S100PBP: variants seen among roughly 807,000 people sequenced by gnomAD.
S100PBP encodes the protein S100P binding protein.
Under a neutral mutation model 39.9 loss-of-function variants are expected in S100PBP, and 15 were observed. The ratio of observed to expected loss-of-function variants is 0.38; its 90% CI spans 0.25 to 0.58. The LOEUF (loss-of-function observed/expected upper bound fraction) is 0.58. Ranked by LOEUF, S100PBP falls within the 20% of genes least tolerant of loss-of-function variation. The pLI, the probability that S100PBP is intolerant of heterozygous loss-of-function variation, is 0.70. For synonymous variants in S100PBP, 178 were observed against 180.3 expected (o/e 0.99, Z 0.10); for missense variants, 504 against 487.3 (o/e 1.03, Z -0.32).
intron 5 of S100PBP, among the ~76,000 whole-genome samples, chr1:32,845,930 C>T (rs764055694): frequency 4.7e-5 from 7 of 149,754 alleles, no homozygotes; most frequent in Admixed American, 2.0e-4. Flanking sequence ...CTATCCACCT[C>T]GGCCTCCCAA....
intron 4 of S100PBP, 100 bp from the exon 5 acceptor site, chr1:32,829,864 T>G: frequency 1.3e-6 from 1 of 783,926 alleles, no homozygotes. Context: ...CTCTGAAACT[T>G]AGTTCTAATC....
chr1:32,821,324 T>G (rs1304375601), intron 1 of S100PBP, among the ~76,000 whole-genome samples: 1 of 152,118 alleles, frequency 6.6e-6, no homozygotes, highest in East Asian at 1.9e-4. Context: ...TTGTGGCTTT[T>G]TTGTTGTTGT....
intron 5 of S100PBP, 119 bp from the exon 6 acceptor site, chr1:32,852,960 T>C (rs702836): frequency 1 from 663,554 of 666,420 alleles, 330,401 homozygotes; most frequent in East Asian, 1. Flanking sequence ...TTGTGATAAT[T>C]GTAAGTATAT....
chr1:32,851,630 C>T (rs1173686424), intron 5 of S100PBP, among the ~76,000 whole-genome samples: 2 of 152,040 alleles, frequency 1.3e-5, no homozygotes, highest in Non-Finnish European at 2.9e-5. Flanking sequence ...CACACCACTG[C>T]ACTCCAGCCT....
intron 5 of S100PBP, among the ~76,000 whole-genome samples, chr1:32,830,477 A>G (rs1170957000): frequency 6.6e-6 from 1 of 152,230 alleles, no homozygotes; most frequent in Non-Finnish European, 1.5e-5. Flanking sequence ...AGGCATTTCA[A>G]ACACCATTCT....
upstream of S100PBP, chr1:32,817,066 T>C: frequency 3.1e-6 from 4 of 1,287,638 alleles, no homozygotes; most frequent in East Asian, 4.6e-5. Flanking sequence ...ACAGGCTCTC[T>C]CAGAGCTGCG....
At chr1:32,819,886 A>T (rs576561287) in intron 1 of S100PBP, among the ~76,000 whole-genome samples, 1 of 152,104 alleles carries the variant, frequency 6.6e-6, no homozygotes, top group Non-Finnish European at 1.5e-5. Context: ...TTTTAGATGC[A>T]TGTTCTCATC....
At chr1:32,845,398 G>A (rs1263681160) in intron 5 of S100PBP, among the ~76,000 whole-genome samples, 1 of 151,832 alleles carries the variant, frequency 6.6e-6, no homozygotes, top group Non-Finnish European at 1.5e-5. Flanking sequence ...GTCGTGTCAC[G>A]GCACTCCAGC....
At chr1:32,820,215 C>G (rs1235186663) in intron 1 of S100PBP, among the ~76,000 whole-genome samples, 1 of 133,084 alleles carries the variant, frequency 7.5e-6, no homozygotes, top group Non-Finnish European at 1.5e-5. Flanking sequence ...GGTGCGATCT[C>G]AGTTCACTGC....
At position 32,829,999 on chromosome 1, in the gene S100PBP, A is replaced by G. The variant is rs141484768; in HGVS notation, c.956A>G (p.Glu319Gly). 43 of 1,613,994 alleles carry G rather than the reference A, an allele frequency of 2.7e-5. No homozygotes were observed. Among genetic ancestry groups the G allele is most frequent in the Non-Finnish European group, 3.6e-5 (42 of 1,179,994 alleles). Residue 319 changes from glutamate (E) to glycine (G), a missense_variant, in exon 5 of 7, where the codon GAA becomes GGA. Glu to Gly is a moderately conservative substitution (Grantham distance 98, BLOSUM62 -2). Coordinates refer to ENST00000373475, the MANE Select transcript of S100PBP (RefSeq NM_022753.4). ...CCGACGTTTTCACAGTCAAATCTAG[A>G]ACAGCAGAAGCAGCTTTATCTCAGG... ...NVPTFSQSNL[E>G]QQKQLYLRSV...
At chr1:32,824,990 G>A (rs1639261969) in intron 1 of S100PBP, 1 of 151,926 alleles carries the variant, frequency 6.6e-6, no homozygotes, top group Non-Finnish European at 1.5e-5. Context: ...CCAAGTTATT[G>A]GAGCTGGCTA....
intron 1 of S100PBP, among the ~76,000 whole-genome samples, chr1:32,823,282 C>T (rs190985742): frequency 6.6e-6 from 1 of 152,142 alleles, no homozygotes; most frequent in East Asian, 1.9e-4. Context: ...GTCTGACAAC[C>T]ATAAATTTTC....
At position 32,837,560 on chromosome 1, in the gene S100PBP, C is replaced by A. The variant is rs370731559; in HGVS notation, c.1024+7493C>A. ...GGCCTGGGCAACAAAAGCAAAACTC[C>A]GTCTCAAAAAAAAAAAAAAAAAAGA... On this transcript the variant is annotated intron_variant, in intron 5 of 6. Transcript: ENST00000373475. Among the ~76,000 whole-genome samples, 18 of 140,416 alleles carry A rather than the reference C, an allele frequency of 1.3e-4. No individual in the cohort carries two copies. The East Asian group carries it at 3.4e-3, about 26-fold the overall frequency. The allele number at this position is 140,416 out of a possible 152,430, so 92.1% of individuals were successfully genotyped here.
rs1420639568 is a variant in S100PBP, at chr1:32,826,638, A to G, written c.539A>G (p.Glu180Gly). 1.2e-6 allele frequency: 2 copies of G among 1,614,218 alleles called. No homozygotes were observed. The highest frequency in any genetic ancestry group is 8.5e-7 in the Non-Finnish European group (1 of 1,180,050). ...DTEKLSSLGE[E>G]MREDGLSPNE... Reference sequence around the variant, plus strand: ...GAAAAACTCTCTTCCCTTGGAGAAGAGATGAGAGAAGATGGTCTTAGCCCA... The same window carrying G: ...GAAAAACTCTCTTCCCTTGGAGAAGGGATGAGAGAAGATGGTCTTAGCCCA... Residue 180 changes from glutamate (E) to glycine (G), a missense_variant, in exon 3 of 7, where the codon GAG becomes GGG. By Grantham distance (98) the Glu-to-Gly change is moderately conservative (BLOSUM62 -2). Transcript: ENST00000373475.
intron 5 of S100PBP, among the ~76,000 whole-genome samples, chr1:32,841,766 C>T (rs1042421423): frequency 2.7e-5 from 4 of 146,514 alleles, no homozygotes; most frequent in Non-Finnish European, 6.0e-5. Flanking sequence ...ACGGATTATG[C>T]TTTCATGTGG....
chr1:32,836,910 A>G (rs1457908881), intron 5 of S100PBP: 1 of 152,144 alleles, frequency 6.6e-6, no homozygotes, highest in Admixed American at 6.5e-5. Flanking sequence ...AGTTTGATAT[A>G]AAATTCTAAA....
At chr1:32,828,726 C>T (rs918467225) in intron 4 of S100PBP, among the ~76,000 whole-genome samples, 1 of 152,096 alleles carries the variant, frequency 6.6e-6, no homozygotes, top group Non-Finnish European at 1.5e-5. Context: ...TTAGGCCGGG[C>T]GCGGTGGCTC....
At chr1:32,817,285 G>C (rs945429022), upstream of S100PBP, 1 of 1,612,168 alleles carries the variant, frequency 6.2e-7, no homozygotes, top group Non-Finnish European at 8.5e-7. Flanking sequence ...CCCGGCACCA[G>C]AGCCCCTTCC....
intron 5 of S100PBP, chr1:32,836,418 C>A: frequency 2.2e-6 from 1 of 451,680 alleles, no homozygotes; most frequent in Non-Finnish European, 2.9e-6. Flanking sequence ...AGGTGTGAAC[C>A]ACTGTGCCTG....
Sources: gnomAD v4.1 joint callset for allele counts (sites outside exome capture counted in the v4.1 genomes callset) on GRCh38, gnomAD v4.1.1 for gene constraint, MANE v1.5 for transcripts, NCBI Gene and HGNC (gene_info 2026-07-23, HGNC 2026-07-21) for gene names.